CAMSAP2: variants seen among roughly 807,000 people sequenced by gnomAD.
CAMSAP2 encodes the protein calmodulin-regulated spectrin-associated protein 2.
In CAMSAP2, 26 loss-of-function variants were observed where a neutral mutation model predicts 146.1. That is an observed-to-expected ratio of 0.18 (90% confidence interval 0.13 to 0.25). The LOEUF (loss-of-function observed/expected upper bound fraction) is 0.25. CAMSAP2 is among the 10% of genes least tolerant of loss of function. CAMSAP2 has a pLI of 1.00. For missense variants in CAMSAP2, 1,381 were observed against 1,759.3 expected, an observed-to-expected ratio of 0.78 and a Z score of 3.85; for synonymous variants, 499 against 596.6, an observed-to-expected ratio of 0.84 and a Z score of 2.38.
intron 11 of CAMSAP2, among the ~76,000 whole-genome samples, chr1:200,850,453 C>T (rs1667591729): frequency 6.6e-6 from 1 of 152,092 alleles, no homozygotes; most frequent in Non-Finnish European, 1.5e-5. Flanking sequence ...AGATGTATTC[C>T]TTGGTTTTGC....
chr1:200,847,128 G>A, intron 8 of CAMSAP2, 82 bp from the exon 9 acceptor site: 1 of 966,494 alleles, frequency 1.0e-6, no homozygotes, highest in Admixed American at 2.3e-5. Flanking sequence ...AGGTGGTAGT[G>A]TTGTTTCTAA....
At chr1:200,835,440 C>T (rs1667161236) in intron 6 of CAMSAP2, among the ~76,000 whole-genome samples, 1 of 152,128 alleles carries the variant, frequency 6.6e-6, no homozygotes, top group African/African-American at 2.4e-5. Context: ...GTCATTTATT[C>T]ATTCATCGGC....
intron 15 of CAMSAP2, among the ~76,000 whole-genome samples, chr1:200,856,608 T>C (rs1418656102): frequency 6.6e-6 from 1 of 152,164 alleles, no homozygotes; most frequent in East Asian, 1.9e-4. Flanking sequence ...AAGAATAGAA[T>C]GTGGGTTAAG....
rs144008952 is a variant in CAMSAP2, at chr1:200,752,136, C to T, written c.140-8703C>T. 5.6e-3 allele frequency among the ~76,000 whole-genome samples: 848 copies of T among 152,156 alleles called. 11 individuals are homozygous for T. The highest frequency in any genetic ancestry group is 0.02 in the African/African-American group (815 of 41,480). On this transcript the variant is annotated intron_variant, in intron 1 of 16. Coordinates refer to ENST00000358823, the MANE Select transcript of CAMSAP2 (RefSeq NM_203459.4). ...TTTCACTTTAAATTAAACATTAATG[C>T]ATGACCGTTGGGGGAAAAAAAGCAT...
intron 2 of CAMSAP2, among the ~76,000 whole-genome samples, chr1:200,772,587 C>T (rs188634233): frequency 1.2e-3 from 185 of 151,754 alleles, no homozygotes; most frequent in African/African-American, 3.9e-3. Flanking sequence ...CCAGCCTGTG[C>T]GACAGAGGGA....
rs1667495695 is a variant in CAMSAP2 at position 200,847,672 on chromosome 1, G to T, written c.1225G>T (p.Val409Phe). 2 of 1,612,824 alleles carry T rather than the reference G, an allele frequency of 1.2e-6. No individual in the cohort carries two copies. The highest frequency in any genetic ancestry group is 1.7e-6 in the Non-Finnish European group (2 of 1,179,266). Residue 409 changes from valine to phenylalanine, a missense_variant, in exon 10 of 17, where the codon GTT (valine) becomes TTT (phenylalanine). By Grantham distance (50) the Val-to-Phe change is conservative. Around this residue, in one of 4 missense-constraint regions of CAMSAP2, gnomAD observed 447 missense variants for 462.2 expected, o/e 0.97. Coordinates refer to ENST00000358823, the MANE Select transcript of CAMSAP2 (RefSeq NM_203459.4). ...TAGAAGGTCTTCATCTATGTCTTAT[G>T]TTGATGGCTTCATAGGGACATGGCC... ...GIRRSSSMSY[V>F]DGFIGTWPKE...
At chr1:200,746,777 C>A (rs868138952) in intron 1 of CAMSAP2, among the ~76,000 whole-genome samples, 31 of 151,854 alleles carry the variant, frequency 2.0e-4, no homozygotes, top group African/African-American at 7.5e-4. Context: ...CACCACCACG[C>A]CCAGCTAATT....
intron 1 of CAMSAP2, among the ~76,000 whole-genome samples, chr1:200,758,671 A>G (rs1055739501): frequency 6.6e-6 from 1 of 152,072 alleles, no homozygotes; most frequent in Non-Finnish European, 1.5e-5. Context: ...TATTTTTGCT[A>G]TTGTTTCAAA....
chr1:200,742,011 G>A (rs578253540), intron 1 of CAMSAP2, among the ~76,000 whole-genome samples: 21 of 152,282 alleles, frequency 1.4e-4, no homozygotes, highest in African/African-American at 4.8e-4. Flanking sequence ...GGTGGAGGTG[G>A]AACACTGCTG....
intron 3 of CAMSAP2, among the ~76,000 whole-genome samples, chr1:200,814,601 T>G (rs555461604): frequency 1.9e-5 from 2 of 104,104 alleles, no homozygotes; most frequent in East Asian, 5.0e-4. Flanking sequence ...CAGTGTGAGA[T>G]TGCATCCCAA....
Position 200,794,818 on chromosome 1 carries a change from G to A in CAMSAP2, c.400-12558G>A, listed in dbSNP as rs1024705783. Reference sequence around the variant, plus strand: ...ACATTGTAGTTTTGTGCATTTTTCAGTATGGCAACCTCCAGCCATGTTGAT... The same window carrying A: ...ACATTGTAGTTTTGTGCATTTTTCAATATGGCAACCTCCAGCCATGTTGAT... On this transcript the variant is annotated intron_variant, in intron 2 of 16. Coordinates refer to ENST00000358823, the MANE Select transcript of CAMSAP2 (RefSeq NM_203459.4). Among the ~76,000 whole-genome samples the A allele has an allele frequency of 5.9e-5, 9 of 152,184 alleles. No individual in the cohort carries two copies. The South Asian group carries it at 6.2e-4, about 11-fold the overall frequency.
intron 13 of CAMSAP2, among the ~76,000 whole-genome samples, chr1:200,854,235 G>A (rs1330010789): frequency 6.6e-6 from 1 of 152,100 alleles, no homozygotes; most frequent in East Asian, 1.9e-4. Context: ...GCCTGCCTTG[G>A]CCTCCCAAAG....
intron 4 of CAMSAP2, among the ~76,000 whole-genome samples, chr1:200,820,289 T>G (rs1304472690): frequency 6.6e-6 from 1 of 152,080 alleles, no homozygotes; most frequent in African/African-American, 2.4e-5. Flanking sequence ...GCTCCCGACT[T>G]CAGGTGATCC....
chr1:200,784,294 A>G (rs557911146), intron 2 of CAMSAP2, among the ~76,000 whole-genome samples: 6 of 152,292 alleles, frequency 3.9e-5, no homozygotes, highest in Non-Finnish European at 5.9e-5. Context: ...TTTTAGAATC[A>G]ACTTGTCAAT....
intron 4 of CAMSAP2, among the ~76,000 whole-genome samples, chr1:200,817,165 C>CACATACACATAAGT (rs375085196): frequency 1.5e-5 from 1 of 68,044 alleles, no homozygotes; most frequent in Admixed American, 1.6e-4. Context: ...CATACACACA[C>CACATACACATAAGT]GTGTGTGTAT....
rs1213060440 is a variant in CAMSAP2 at position 200,858,517 on chromosome 1, G to A, written c.*458G>A. 6.5e-6 allele frequency: 1 copy of A among 152,946 alleles called. No individual in the cohort carries two copies. 9.5% of individuals were successfully genotyped at this position (152,946 alleles called of 1,614,324 possible). On this transcript the variant is annotated 3_prime_UTR_variant, in exon 17 of 17. Transcript: ENST00000358823. ...AAGATACCTTTGTATTTTATTTCAT[G>A]TGGAGATCATGAAAGTAGGAAATAT...
At position 200,832,433 on chromosome 1, in the gene CAMSAP2, A is replaced by C. The variant is rs774873897; in HGVS notation, c.787+92A>C. On this transcript the variant is annotated intron_variant, in intron 5 of 16. Coordinates refer to ENST00000358823, the MANE Select transcript of CAMSAP2 (RefSeq NM_203459.4). The surrounding 1 kb of genome is among the most constrained non-coding windows in gnomAD (Gnocchi z 4.2). ...TTTTGCACTCCAGCCTAGGTGACTG[A>C]GTGGGACCCTGTCTCAAAAAAAAGA... 8.3e-6 allele frequency: 10 copies of C among 1,207,216 alleles called. No homozygotes were observed. Among genetic ancestry groups the C allele is most frequent in the Non-Finnish European group, 1.0e-5 (9 of 885,848 alleles). 74.8% of individuals were successfully genotyped at this position (1,207,216 alleles called of 1,614,324 possible). A position where few individuals can be genotyped will look rare whatever the true frequency, so the allele number is the denominator to read the frequency against.
chr1:200,818,178 C>T (rs1468634130), intron 4 of CAMSAP2, among the ~76,000 whole-genome samples: 1 of 152,016 alleles, frequency 6.6e-6, no homozygotes, highest in South Asian at 2.1e-4. Context: ...TGGTTAAATT[C>T]TGTAGTATTG....
chr1:200,739,611 A>G lies in CAMSAP2; in HGVS notation c.-217A>G, dbSNP rs1466566508. The G allele has an allele frequency of 1.0e-5, 3 of 285,930 alleles. No individual in the cohort carries two copies. Among genetic ancestry groups the G allele is most frequent in the East Asian group, 7.1e-5 (1 of 14,040 alleles). 17.7% of individuals were successfully genotyped at this position (285,930 alleles called of 1,614,324 possible). A position where few individuals can be genotyped will look rare whatever the true frequency, so the allele number is the denominator to read the frequency against. ...ACGGAGACGGCGCCGCCACATTCCTATGCCCGGGAGCGGCGGCGGCGGCGG... is the reference window on the plus strand; with the variant it reads ...ACGGAGACGGCGCCGCCACATTCCTGTGCCCGGGAGCGGCGGCGGCGGCGG... On this transcript the variant is annotated 5_prime_UTR_variant, in exon 1 of 17. An upstream start codon of the reference 5' UTR is lost. Transcript: ENST00000358823. The surrounding 1 kb of genome is among the most constrained non-coding windows in gnomAD (Gnocchi z 4.8).
Sources: gnomAD v4.1 joint callset for allele counts (sites outside exome capture counted in the v4.1 genomes callset) on GRCh38, gnomAD v4.1.1 for gene constraint, gnomAD v4.1.1 regional missense constraint, Gnocchi (gnomAD v3.1) non-coding constraint, MANE v1.5 for transcripts, NCBI Gene and HGNC (gene_info 2026-07-23, HGNC 2026-07-21) for gene names.